Variants in AKR1A1 observed in about 807,000 individuals in gnomAD.
AKR1A1 encodes the protein aldo-keto reductase family 1 member A1, also known as HEL-S-165mP.
In AKR1A1, 26 loss-of-function variants were observed where a neutral mutation model predicts 39.2. That is an observed-to-expected ratio of 0.66 (90% CI 0.49 to 0.92). The LOEUF (loss-of-function observed/expected upper bound fraction) is 0.92. Among genes scored for constraint, AKR1A1 ranks in the 40% least tolerant of loss-of-function variants. The pLI, the probability that AKR1A1 is intolerant of heterozygous loss-of-function variation, is 0.00. For synonymous variants in AKR1A1, 141 were observed against 155.5 expected, an observed-to-expected ratio of 0.91 and a Z score of 0.69; for missense variants, 378 against 406.5, an observed-to-expected ratio of 0.93 and a Z score of 0.60.
intron 8 of AKR1A1, 48 bp downstream of exon 8, chr1:45,569,277 TG>T: frequency 6.6e-7 from 1 of 1,517,764 alleles, no homozygotes; most frequent in Non-Finnish European, 9.2e-7. Flanking sequence ...AGATTTGGGG[TG>T]GGATTCTGGC....
intron 1 of AKR1A1, among the ~76,000 whole-genome samples, chr1:45,551,536 G>A (rs505175): frequency 0.016 from 2,400 of 152,310 alleles, 59 homozygotes; most frequent in African/African-American, 0.051. Context: ...TCAGAAGTGG[G>A]GAGAAGTGGG....
intron 1 of AKR1A1, among the ~76,000 whole-genome samples, chr1:45,552,021 G>GTAT (rs1644137449): frequency 2.0e-5 from 3 of 151,654 alleles, no homozygotes; most frequent in Non-Finnish European, 4.4e-5. Context: ...ATGTATGTAT[G>GTAT]GGACAGGTAC....
At chr1:45,565,506 C>T (rs1644329905) in intron 2 of AKR1A1, among the ~76,000 whole-genome samples, 1 of 151,664 alleles carries the variant, frequency 6.6e-6, no homozygotes, top group African/African-American at 2.4e-5. Flanking sequence ...GAGTCTCACT[C>T]TGTCTCGCCC....
At chr1:45,559,991 CTT>C (rs1240120186) in intron 1 of AKR1A1, among the ~76,000 whole-genome samples, 11 of 130,574 alleles carry the variant, frequency 8.4e-5, no homozygotes, top group Admixed American at 1.6e-4. Context: ...AATAACTTCA[CTT>C]TTTTTTTTTT....
chr1:45,566,255 C>T (rs1330247354), intron 2 of AKR1A1, among the ~76,000 whole-genome samples: 1 of 151,996 alleles, frequency 6.6e-6, no homozygotes, highest in Non-Finnish European at 1.5e-5. Context: ...ATTACAGGCA[C>T]CTGCCACCAC....
rs772469662 is a variant in AKR1A1 at position 45,566,821 on chromosome 1, C to A, written c.205-48C>A. ...CTCCCAGAGTTGAGGGTGGGTGAGA[C>A]CACGTGCTCATGGCTCTTCTCACTG... On this transcript the variant is annotated intron_variant, in intron 3 of 8. Coordinates refer to ENST00000351829, the MANE Select transcript of AKR1A1 (RefSeq NM_153326.3). 9 of 1,601,640 alleles carry A rather than the reference C, an allele frequency of 5.6e-6. No homozygotes were observed. In the African/African-American group the frequency reaches 9.4e-5, roughly 17 times the overall value.
chr1:45,563,738 G>A (rs1237050884), intron 2 of AKR1A1, among the ~76,000 whole-genome samples: 10 of 151,894 alleles, frequency 6.6e-5, no homozygotes, highest in African/African-American at 1.5e-4. Context: ...GCAGTGAGCC[G>A]AGATCGTGCC....
At chr1:45,554,793 G>T (rs1032368330) in intron 1 of AKR1A1, among the ~76,000 whole-genome samples, 2 of 152,000 alleles carry the variant, frequency 1.3e-5, no homozygotes, top group Non-Finnish European at 2.9e-5. Context: ...CAGGCTCAAG[G>T]GATCCTCCTG....
At chr1:45,565,198 T>C (rs111542134) in intron 2 of AKR1A1, among the ~76,000 whole-genome samples, 163 of 149,118 alleles carry the variant, frequency 1.1e-3, no homozygotes, top group African/African-American at 3.9e-3. Context: ...TGGCATGATC[T>C]TGGCTCACTG....
chr1:45,554,608 C>T (rs1048086178), intron 1 of AKR1A1, among the ~76,000 whole-genome samples: 1 of 152,130 alleles, frequency 6.6e-6, no homozygotes. Context: ...AAAATACTCT[C>T]CTCACCAACT....
rs1303410481 is a variant in AKR1A1, at chr1:45,566,868, G to T, written c.205-1G>T. ...ACTGTGGGCCCTGCCCCCTGCACTA[G>T]GCGGTGCCTCGGGAGGAGCTGTTTG... On this transcript the variant is annotated splice_acceptor_variant, in intron 3 of 8. Transcript: ENST00000351829. LOFTEE classifies it high-confidence loss of function. 1.2e-6 allele frequency: 2 copies of T among 1,613,830 alleles called. No individual in the cohort carries two copies.
Position 45,569,125 on chromosome 1 carries a change from C to T in AKR1A1, c.826-18C>T, listed in dbSNP as rs1333409826. 1 of 1,612,600 alleles carries T rather than the reference C, an allele frequency of 6.2e-7. No homozygotes were observed. The highest frequency in any genetic ancestry group is 1.3e-5 in the African/African-American group (1 of 74,882). ...GCTCACAAAGCTGGCTTTCTTGAACCCCACTCTCCATCCTCAGGTGTTTGA... is the reference window on the plus strand; with the variant it reads ...GCTCACAAAGCTGGCTTTCTTGAACTCCACTCTCCATCCTCAGGTGTTTGA... On this transcript the variant is annotated intron_variant, in intron 7 of 8. Coordinates refer to ENST00000351829, the MANE Select transcript of AKR1A1 (RefSeq NM_153326.3).
intron 2 of AKR1A1, among the ~76,000 whole-genome samples, chr1:45,563,833 T>C (rs1174933141): frequency 6.6e-6 from 1 of 152,148 alleles, no homozygotes; most frequent in East Asian, 1.9e-4. Flanking sequence ...CTTAAAAATA[T>C]AAATGTAGTT....
chr1:45,559,634 CTTTTTTTTTTTTTTTTT>C (rs71056306), intron 1 of AKR1A1, among the ~76,000 whole-genome samples: 2 of 73,128 alleles, frequency 2.7e-5, no homozygotes, highest in Non-Finnish European at 2.4e-5. Flanking sequence ...CTTTTCTTTT[CTTTTTTTTTTTTTTTTT>C]TTTTTTTTTT....
intron 6 of AKR1A1, 94 bp from the exon 7 acceptor site, chr1:45,568,833 G>A: frequency 6.5e-7 from 1 of 1,529,710 alleles, no homozygotes; most frequent in Non-Finnish European, 9.1e-7. Context: ...GCAGGGCTCA[G>A]GTGCTCCAGG....
intron 2 of AKR1A1, 65 bp from the exon 3 acceptor site, chr1:45,566,504 T>C (rs916814290): frequency 5.0e-6 from 8 of 1,599,880 alleles, no homozygotes; most frequent in Non-Finnish European, 6.8e-6. Flanking sequence ...GCATTGACCT[T>C]GGGGTGGTGA....
At chr1:45,567,697 A>G (rs752828030) in intron 4 of AKR1A1, 36 of 234,722 alleles carry the variant, frequency 1.5e-4, no homozygotes, top group South Asian at 4.5e-4. Flanking sequence ...CGTGGTGGTG[A>G]GCGCCTGTAG....
chr1:45,568,665 C>T lies in AKR1A1; in HGVS notation c.733C>T (p.Pro245Ser), dbSNP rs755890684. The stretch of plus-strand genomic sequence containing the variant: ...ATTGGCTGAAAAGTATGGCCGATCT[C>T]CAGCTCAGATCTTGCTCAGGTATGG... ...LALAEKYGRS[P>S]AQILLRWQVQ... The change falls in exon 6 of 9, where the codon CCA (proline) becomes TCA (serine). Residue 245 changes from proline (P) to serine (S), a missense_variant. Physicochemically the swap from Pro to Ser is moderately conservative, Grantham distance 74. Coordinates refer to ENST00000351829, the MANE Select transcript of AKR1A1 (RefSeq NM_153326.3). 1 of 1,613,610 alleles carries T rather than the reference C, an allele frequency of 6.2e-7. No individual in the cohort carries two copies.
At chr1:45,568,251 C>A in intron 5 of AKR1A1, 74 bp downstream of exon 5, 1 of 1,486,432 alleles carries the variant, frequency 6.7e-7, no homozygotes, top group Non-Finnish European at 9.1e-7. Flanking sequence ...GATGGATCTG[C>A]TTAAGGGAGA....
Sources: allele counts gnomAD v4.1 joint callset (sites outside exome capture counted in the v4.1 genomes callset), GRCh38; gene constraint gnomAD v4.1.1; transcripts MANE v1.5; gene names NCBI Gene and HGNC (gene_info 2026-07-23, HGNC 2026-07-21).